The following CSMD3 variants were observed in gnomAD, a reference collection of about 807,000 sequenced individuals.
CSMD3 encodes the protein CUB and Sushi multiple domains 3, also known as CUB and sushi domain-containing protein 3.
A neutral mutation model predicts 435.2 loss-of-function variants in CSMD3; 177 were observed. The ratio of observed to expected loss-of-function variants is 0.41; its 90% CI spans 0.36 to 0.46. The LOEUF (loss-of-function observed/expected upper bound fraction) is 0.46. CSMD3 is among the 20% of genes least tolerant of loss of function. The pLI is 0.34. For missense variants in CSMD3, 4,265 were observed against 4,504.6 expected (o/e 0.95, Z 1.52); for synonymous variants, 1,656 against 1,520.5 (o/e 1.09, Z -2.07).
At chr8:112,281,576 A>G (rs543006870) in intron 58 of CSMD3, among the ~76,000 whole-genome samples, 1 of 152,262 alleles carries the variant, frequency 6.6e-6, no homozygotes, top group Non-Finnish European at 1.5e-5. Context: ...GACTTTTTTT[A>G]GCAGCTTCAG....
intron 6 of CSMD3, among the ~76,000 whole-genome samples, chr8:113,000,998 T>C (rs879539675): frequency 3.3e-5 from 5 of 151,988 alleles, no homozygotes; most frequent in Non-Finnish European, 1.5e-5. Context: ...AAATCAGAAA[T>C]TTCAGAATTG....
intron 50 of CSMD3, among the ~76,000 whole-genome samples, chr8:112,306,432 G>C (rs1005438851): frequency 1.2e-4 from 18 of 151,958 alleles, no homozygotes; most frequent in Admixed American, 2.0e-4. Context: ...TTTATTTCTT[G>C]GTTTCTTACT....
intron 22 of CSMD3, among the ~76,000 whole-genome samples, chr8:112,593,411 C>T (rs144169671): frequency 6.6e-6 from 1 of 151,962 alleles, no homozygotes. Context: ...GAGACAAGTT[C>T]GATGTGGGGG....
intron 1 of CSMD3, among the ~76,000 whole-genome samples, chr8:113,347,159 G>C (rs1438938451): frequency 6.6e-6 from 1 of 151,554 alleles, no homozygotes; most frequent in Admixed American, 6.6e-5. Flanking sequence ...GAGCTGGAAA[G>C]AGCAGAGAAA....
At chr8:112,625,466 T>C (rs1834403081) in intron 22 of CSMD3, among the ~76,000 whole-genome samples, 3 of 152,110 alleles carry the variant, frequency 2.0e-5, no homozygotes, top group African/African-American at 4.8e-5. Flanking sequence ...AAGTTTTATA[T>C]GATATGAAAA....
intron 30 of CSMD3, among the ~76,000 whole-genome samples, chr8:112,501,698 T>C (rs899273361): frequency 6.6e-6 from 1 of 152,148 alleles, no homozygotes; most frequent in African/African-American, 2.4e-5. Flanking sequence ...ACAGATGTCC[T>C]AAAAAGAATC....
intron 36 of CSMD3, among the ~76,000 whole-genome samples, chr8:112,388,580 T>G (rs1307717623): frequency 1.3e-5 from 2 of 152,166 alleles, no homozygotes; most frequent in Non-Finnish European, 2.9e-5. Context: ...TTCTATAGTT[T>G]TGAGAAAATT....
chr8:113,099,120 T>G (rs573543256), intron 4 of CSMD3, among the ~76,000 whole-genome samples, 157 bp from the exon 5 acceptor site: 1 of 152,044 alleles, frequency 6.6e-6, no homozygotes, highest in Admixed American at 6.6e-5. Context: ...AAATGAGAAT[T>G]TTATGAAAAA....
At chr8:113,351,057 G>A (rs4369017) in intron 1 of CSMD3, among the ~76,000 whole-genome samples, 141,773 of 152,128 alleles carry the variant, frequency 0.93, 66,160 homozygotes, top group East Asian at 1. Flanking sequence ...GCACTGGCAT[G>A]CACACACTCA....
chr8:112,351,369 C>T lies in CSMD3; in HGVS notation c.6256-125G>A, dbSNP rs1826122578. 2.2e-5 allele frequency: 14 copies of T among 641,664 alleles called. No homozygotes were observed. In the South Asian group the frequency reaches 2.7e-4, roughly 12 times the overall value. 39.7% of individuals were successfully genotyped at this position (641,664 alleles called of 1,614,324 possible). A position where few individuals can be genotyped will look rare whatever the true frequency, so the allele number is the denominator to read the frequency against. On this transcript the variant is annotated intron_variant, in intron 39 of 70. Transcript: ENST00000297405. The stretch of plus-strand genomic sequence containing the variant: ...GGCTTTATTTTTATACACATATTTA[C>T]TTATATGAAAATCTTAGCATGATTA...
intron 32 of CSMD3, among the ~76,000 whole-genome samples, chr8:112,448,245 G>C (rs1173637743): frequency 6.6e-6 from 1 of 152,120 alleles, no homozygotes; most frequent in Non-Finnish European, 1.5e-5. Context: ...TTTCATAAGA[G>C]CACCAGTTCT....
intron 4 of CSMD3, among the ~76,000 whole-genome samples, chr8:113,124,150 G>C (rs945402427): frequency 1.3e-5 from 2 of 151,878 alleles, no homozygotes; most frequent in African/African-American, 4.8e-5. Context: ...AATGTCATAG[G>C]AATGAAAAGA....
chr8:112,886,752 C>T (rs1043564064), intron 10 of CSMD3, among the ~76,000 whole-genome samples: 1 of 151,368 alleles, frequency 6.6e-6, no homozygotes, highest in Non-Finnish European at 1.5e-5. Context: ...GCTCAAGTTC[C>T]TTATAAAATG....
At chr8:112,897,375 A>G (rs1442338953) in intron 10 of CSMD3, among the ~76,000 whole-genome samples, 3 of 151,394 alleles carry the variant, frequency 2.0e-5, no homozygotes, top group African/African-American at 4.8e-5. Context: ...AAGAACATAT[A>G]AAGACATTTT....
chr8:112,458,215 C>CTCACACACACACACACACACACA (rs1554579456), intron 32 of CSMD3, among the ~76,000 whole-genome samples: 6 of 150,810 alleles, frequency 4.0e-5, no homozygotes, highest in South Asian at 4.2e-4. Flanking sequence ...ACACTCACAC[C>CTCACACACACACACACACACACA]CACACACACA....
At chr8:112,372,317 T>C (rs1828475972) in intron 38 of CSMD3, among the ~76,000 whole-genome samples, 1 of 152,160 alleles carries the variant, frequency 6.6e-6, no homozygotes. Flanking sequence ...GAAATCAGTG[T>C]TGGAATAAGA....
At chr8:112,851,154 C>T (rs994721835) in intron 11 of CSMD3, among the ~76,000 whole-genome samples, 2 of 152,070 alleles carry the variant, frequency 1.3e-5, no homozygotes, top group Admixed American at 1.3e-4. Flanking sequence ...CTCTCAAGAG[C>T]TGATAAAAGT....
chr8:112,551,990 T>C (rs1827725585), intron 26 of CSMD3, among the ~76,000 whole-genome samples: 2 of 152,144 alleles, frequency 1.3e-5, no homozygotes, highest in East Asian at 1.9e-4. Context: ...TTTGAGATAA[T>C]GACTCTGTAC....
intron 8 of CSMD3, among the ~76,000 whole-genome samples, chr8:112,954,165 A>C (rs544886619): frequency 1.3e-5 from 2 of 151,664 alleles, no homozygotes; most frequent in African/African-American, 4.8e-5. Context: ...ATTTTCAAGA[A>C]GTGAATAGCA....
Sources: gnomAD v4.1 joint callset for allele counts (sites outside exome capture counted in the v4.1 genomes callset) on GRCh38, gnomAD v4.1.1 for gene constraint, MANE v1.5 for transcripts, NCBI Gene and HGNC (gene_info 2026-07-23, HGNC 2026-07-21) for gene names.